Variants in BMPR2 observed in about 807,000 individuals in gnomAD.
The protein encoded by BMPR2 is bone morphogenetic protein receptor type-2.
BMPR2 carries 29 observed loss-of-function variants against 100.8 expected under a neutral mutation model. That is an observed-to-expected ratio of 0.29 (90% CI 0.21 to 0.39). The LOEUF (loss-of-function observed/expected upper bound fraction) is 0.39. Among genes scored for constraint, BMPR2 ranks in the 10% least tolerant of loss-of-function variants. The probability of loss-of-function intolerance (pLI) is 1.00; values close to 1 mark genes in which losing one functional copy is unlikely to be tolerated. For synonymous variants in BMPR2, 382 were observed against 442.3 expected (o/e 0.86, Z 1.71); for missense variants, 1,011 against 1,274.5 (o/e 0.79, Z 3.15).
At position 202,403,117 on chromosome 2, in the gene BMPR2, C is replaced by T. The variant is rs140585852; in HGVS notation, c.76+25567C>T. Among the ~76,000 whole-genome samples, 1,342 of 150,666 alleles carry T rather than the reference C, an allele frequency of 8.9e-3. 28 individuals are homozygous for T. Among genetic ancestry groups the T allele is most frequent in the African/African-American group, 0.031 (1,283 of 40,952 alleles). On this transcript the variant is annotated intron_variant, in intron 1 of 12. Transcript: ENST00000374580. ...TGCCGGGATTACAGGCATGAGCCAC[C>T]GCGCCTGGCTGTCCTGCTAATTTTT...
intron 1 of BMPR2, among the ~76,000 whole-genome samples, chr2:202,386,131 C>A (rs937972080): frequency 1.3e-5 from 2 of 152,134 alleles, no homozygotes; most frequent in Non-Finnish European, 2.9e-5. Flanking sequence ...AGTCTTTAGA[C>A]CTTTTCTCTG....
At chr2:202,419,868 G>A (rs1691222582) in intron 1 of BMPR2, among the ~76,000 whole-genome samples, 1 of 152,130 alleles carries the variant, frequency 6.6e-6, no homozygotes, top group African/African-American at 2.4e-5. Context: ...ACCCAAGGGG[G>A]CCAGACACAG....
chr2:202,398,031 T>A (rs1252352284), intron 1 of BMPR2, among the ~76,000 whole-genome samples: 1 of 149,528 alleles, frequency 6.7e-6, no homozygotes, highest in African/African-American at 2.5e-5. Flanking sequence ...TAAGGCATGC[T>A]CCTGAGATTG....
chr2:202,547,506 G>C (rs1172106869), intron 10 of BMPR2, among the ~76,000 whole-genome samples: 1 of 152,164 alleles, frequency 6.6e-6, no homozygotes, highest in Non-Finnish European at 1.5e-5. Flanking sequence ...AACTTAGCCA[G>C]GCACGGTGGC....
Position 202,561,073 on chromosome 2 carries a change from A to G in BMPR2, c.*1127A>G, listed in dbSNP as rs755061835. The G allele has an allele frequency of 1.3e-5, 2 of 152,060 alleles. No homozygotes were observed. Among genetic ancestry groups the G allele is most frequent in the African/African-American group, 4.8e-5 (2 of 41,432 alleles). 9.4% of individuals were successfully genotyped at this position (152,060 alleles called of 1,614,324 possible). On this transcript the variant is annotated 3_prime_UTR_variant, in exon 13 of 13. Coordinates refer to ENST00000374580, the MANE Select transcript of BMPR2 (RefSeq NM_001204.7). ...TAATTTATAGTTCTGAACCTATAGT[A>G]TCTTTTACCCTGTTCCCAAGCAAAG... is the stretch of plus-strand genomic sequence containing the variant.
chr2:202,407,202 C>G (rs900439984), intron 1 of BMPR2, among the ~76,000 whole-genome samples: 3 of 152,066 alleles, frequency 2.0e-5, no homozygotes, highest in Non-Finnish European at 2.9e-5. Context: ...CTTGGCCTCC[C>G]AAAGTGCTGG....
rs1460058329 is a variant in BMPR2 at position 202,434,747 on chromosome 2, C to T, written c.77-30062C>T. Among the ~76,000 whole-genome samples, 3 of 147,726 alleles carry T rather than the reference C, an allele frequency of 2.0e-5. No individual in the cohort carries two copies. The East Asian group carries it at 5.8e-4, about 29-fold the overall frequency. The stretch of plus-strand genomic sequence containing the variant: ...CAAGCGAGCATCCTACCTCAGCCTC[C>T]CAAGTAGCTAGGACTACAAGGTGTG... On this transcript the variant is annotated intron_variant, in intron 1 of 12. Coordinates refer to ENST00000374580, the MANE Select transcript of BMPR2 (RefSeq NM_001204.7).
intron 3 of BMPR2, among the ~76,000 whole-genome samples, chr2:202,469,176 G>A (rs538355683): frequency 6.6e-6 from 1 of 152,104 alleles, no homozygotes. Context: ...GATCAGGCAT[G>A]TGCCACCACG....
intron 1 of BMPR2, among the ~76,000 whole-genome samples, chr2:202,456,505 C>T (rs1304547554): frequency 2.1e-5 from 3 of 145,408 alleles, no homozygotes; most frequent in Non-Finnish European, 3.0e-5. Context: ...TAGCACTTTT[C>T]TTTCTTTCTT....
At chr2:202,531,942 T>TTTA (rs1245063486) in intron 8 of BMPR2, among the ~76,000 whole-genome samples, 2 of 128,206 alleles carry the variant, frequency 1.6e-5, no homozygotes, top group African/African-American at 5.8e-5. Flanking sequence ...TTTTTTTTTT[T>TTTA]TTTTTTTTTT....
chr2:202,467,788 A>G (rs776117472), intron 3 of BMPR2, 99 bp downstream of exon 3: 7 of 1,260,436 alleles, frequency 5.6e-6, no homozygotes, highest in African/African-American at 3.0e-5. Context: ...GCCAGGCGTG[A>G]TGGCTCATGC....
chr2:202,519,177 C>T, intron 6 of BMPR2, 125 bp downstream of exon 6: 1 of 942,412 alleles, frequency 1.1e-6, no homozygotes, highest in South Asian at 1.3e-5. Flanking sequence ...GCCTCGCCAA[C>T]ATGGCAAAAC....
At chr2:202,537,242 C>A (rs1039736808) in intron 9 of BMPR2, among the ~76,000 whole-genome samples, 1 of 152,112 alleles carries the variant, frequency 6.6e-6, no homozygotes, top group Non-Finnish European at 1.5e-5. Flanking sequence ...TTGGTAATTT[C>A]TTTGTTAATA....
At chr2:202,469,520 C>A in intron 3 of BMPR2, 1 of 334,516 alleles carries the variant, frequency 3.0e-6, no homozygotes, top group Non-Finnish European at 6.1e-6. Flanking sequence ...GCTTTTGTCA[C>A]CCTGGCTAGA....
rs138721041 is a variant in BMPR2, at chr2:202,392,953, T to C, written c.76+15403T>C. 4.2e-3 allele frequency among the ~76,000 whole-genome samples: 626 copies of C among 147,884 alleles called. 1 individual carries two copies. The highest frequency in any genetic ancestry group is 0.014 in the African/African-American group (564 of 39,514). On this transcript the variant is annotated intron_variant, in intron 1 of 12. Coordinates refer to ENST00000374580, the MANE Select transcript of BMPR2 (RefSeq NM_001204.7). ...GTTGCGGTGAGCCGAGATCGTGCCA[T>C]TGACTCCAGCCTGGGCAACAAGAGC... is the stretch of plus-strand genomic sequence containing the variant.
chr2:202,407,958 C>T (rs1258053120), intron 1 of BMPR2, among the ~76,000 whole-genome samples: 1 of 151,466 alleles, frequency 6.6e-6, no homozygotes, highest in Non-Finnish European at 1.5e-5. Flanking sequence ...CTCAGCCTCC[C>T]GAGTAGCTGG....
chr2:202,377,142 G>T lies in BMPR2; in HGVS notation c.-333G>T, dbSNP rs1164797966. 2.2e-5 allele frequency: 13 copies of T among 580,350 alleles called. No homozygotes were observed. The highest frequency in any genetic ancestry group is 4.0e-5 in the Non-Finnish European group (13 of 327,106). The allele number at this position is 580,350 out of a possible 1,614,324, so 36.0% of individuals were successfully genotyped here. A position where few individuals can be genotyped will look rare whatever the true frequency, so the allele number is the denominator to read the frequency against. ...TTCTCCCAGACCTGGATATTTTTTT[G>T]ATATCGTGAAACTACGAGGGAAATA... is the stretch of plus-strand genomic sequence containing the variant. On this transcript the variant is annotated 5_prime_UTR_variant, in exon 1 of 13. Transcript: ENST00000374580.
At position 202,503,456 on chromosome 2, in the gene BMPR2, TTGGCGG is replaced by T. The variant is rs1687449051; in HGVS notation, c.419-10262_419-10257del. Among the ~76,000 whole-genome samples the T allele has an allele frequency of 6.6e-6, 1 of 152,220 alleles. No individual in the cohort carries two copies. Among genetic ancestry groups the T allele is most frequent in the African/African-American group, 2.4e-5 (1 of 41,460 alleles). ...GCCGGAGTTCCGGTTGGGCATGGGC[TTGGCGG>T]GCCCCGCACTCGGAGCAGCCAGCCC... On this transcript the variant is annotated intron_variant, in intron 3 of 12. Coordinates refer to ENST00000374580, the MANE Select transcript of BMPR2 (RefSeq NM_001204.7). The surrounding 1 kb of genome is among the most constrained non-coding windows in gnomAD (Gnocchi z 4.0).
In BMPR2 at chr2:202,464,840, T is replaced by A; in HGVS notation, c.108T>A (p.Phe36Leu). The change falls in exon 2 of 13, where the codon TTT (phenylalanine) becomes TTA (leucine). Residue 36 changes from phenylalanine to leucine, a missense_variant. Phe to Leu is a conservative substitution (Grantham distance 22). Around this residue, in one of 6 missense-constraint regions of BMPR2, gnomAD observed 355 missense variants for 455.3 expected, o/e 0.78. Transcript: ENST00000374580. ...AGAATCAAGAACGGCTATGTGCGTT[T>A]AAAGATCCGTATCAGCAAGACCTTG... Reference protein sequence around the residue: ...ASQNQERLCAFKDPYQQDLGI... With the variant: ...ASQNQERLCALKDPYQQDLGI... 3 of 1,613,938 alleles carry A rather than the reference T, an allele frequency of 1.9e-6. No individual in the cohort carries two copies. The highest frequency in any genetic ancestry group is 2.5e-6 in the Non-Finnish European group (3 of 1,179,946).
Sources: gnomAD v4.1 joint callset for allele counts (sites outside exome capture counted in the v4.1 genomes callset) on GRCh38, gnomAD v4.1.1 for gene constraint, gnomAD v4.1.1 regional missense constraint, Gnocchi (gnomAD v3.1) non-coding constraint, MANE v1.5 for transcripts, NCBI Gene and HGNC (gene_info 2026-07-23, HGNC 2026-07-21) for gene names.